SCFD2: variants seen among roughly 807,000 people sequenced by gnomAD.
SCFD2 encodes the protein sec1 family domain-containing protein 2.
Under a neutral mutation model 58.9 loss-of-function variants are expected in SCFD2, and 54 were observed. The ratio of observed to expected loss-of-function variants is 0.92; its 90% CI spans 0.74 to 1.15. The LOEUF (loss-of-function observed/expected upper bound fraction) is 1.15, where lower values mean the gene tolerates loss of function less well. Ranked by LOEUF, SCFD2 falls within the 50% of genes most tolerant of loss-of-function variation. SCFD2 has a pLI of 0.00. For synonymous variants in SCFD2, 321 were observed against 335.9 expected, an observed-to-expected ratio of 0.96 and a Z score of 0.49; for missense variants, 805 against 836.6, an observed-to-expected ratio of 0.96 and a Z score of 0.47.
intron 4 of SCFD2, among the ~76,000 whole-genome samples, chr4:53,168,466 A>G (rs916046952): frequency 1.3e-5 from 2 of 152,228 alleles, no homozygotes; most frequent in Non-Finnish European, 2.9e-5. Context: ...CAGACATATC[A>G]TAGAGCAGAT....
At chr4:53,197,859 C>CA (rs1465962252) in intron 4 of SCFD2, among the ~76,000 whole-genome samples, 1 of 150,912 alleles carries the variant, frequency 6.6e-6, no homozygotes, top group Non-Finnish European at 1.5e-5. Context: ...ATGTTAATTT[C>CA]AAAAATATGG....
At chr4:53,051,209 G>A (rs77780322) in intron 5 of SCFD2, among the ~76,000 whole-genome samples, 3,940 of 152,194 alleles carry the variant, frequency 0.026, 85 homozygotes, top group Non-Finnish European at 0.036. Context: ...AGCAACAAAG[G>A]TTTGAGAACA....
intron 4 of SCFD2, among the ~76,000 whole-genome samples, chr4:53,258,545 T>G (rs995318503): frequency 1.1e-4 from 2 of 17,556 alleles, no homozygotes; most frequent in Non-Finnish European, 2.6e-4. Flanking sequence ...TGTGTATATA[T>G]ATATATATAT....
chr4:53,142,906 T>A (rs1296831204), intron 5 of SCFD2, among the ~76,000 whole-genome samples: 1 of 152,210 alleles, frequency 6.6e-6, no homozygotes, highest in African/African-American at 2.4e-5. Context: ...GACATCTTCT[T>A]TACCCTGTTT....
chr4:52,996,490 C>A (rs879928823), intron 5 of SCFD2, among the ~76,000 whole-genome samples: 11 of 152,222 alleles, frequency 7.2e-5, no homozygotes, highest in Non-Finnish European at 1.3e-4. Context: ...GTCATGGCAT[C>A]ATCACATACC....
Position 53,365,188 on chromosome 4 carries a change from T to C in SCFD2, c.754A>G (p.Asn252Asp). ...TTCCTGTTCTTTGCAGGGGCATAATTGGCCAGATCCGCAGCGATGACCTGA... is the reference window on the plus strand; with the variant it reads ...TTCCTGTTCTTTGCAGGGGCATAATCGGCCAGATCCGCAGCGATGACCTGA... Reference protein sequence around the residue: ...LSQVIAADLANYAPAKNRKKT... With the variant: ...LSQVIAADLADYAPAKNRKKT... The change falls in exon 1 of 9, where the codon AAT becomes GAT. Residue 252 changes from asparagine to aspartate, a missense_variant. Physicochemically the swap from Asn to Asp is conservative, Grantham distance 23. This residue lies in a region of SCFD2 where 633 missense variants were observed against 646.8 expected (regional missense o/e 0.98). Transcript: ENST00000401642. This position sits in a 1 kb window ranked among gnomAD's most constrained non-coding sequence, Gnocchi z 4.3. The C allele has an allele frequency of 6.2e-7, 1 of 1,614,164 alleles. No individual in the cohort carries two copies. The highest frequency in any genetic ancestry group is 8.5e-7 in the Non-Finnish European group (1 of 1,180,040).
intron 2 of SCFD2, among the ~76,000 whole-genome samples, chr4:53,325,179 G>GTA (rs1030210445): frequency 6.7e-6 from 1 of 149,020 alleles, no homozygotes; most frequent in African/African-American, 2.5e-5. Context: ...TACTACAGAT[G>GTA]TGTGTGTGTG....
chr4:53,043,751 G>C (rs1722956818), intron 5 of SCFD2, among the ~76,000 whole-genome samples: 1 of 151,968 alleles, frequency 6.6e-6, no homozygotes, highest in Non-Finnish European at 1.5e-5. Context: ...GAGAATATTT[G>C]GGTACTTCGG....
Position 53,237,463 on chromosome 4 carries a change from CG to C in SCFD2, c.1311+36362del, listed in dbSNP as rs1162441021. Reference sequence around the variant, plus strand: ...TTCCCGGATGGGGGGTCTGGCCGGGCGGGGGGGCTGACCCCCCCACCTCCCT... The same window carrying C: ...TTCCCGGATGGGGGGTCTGGCCGGGCGGGGGGCTGACCCCCCCACCTCCCT... On this transcript the variant is annotated intron_variant, in intron 4 of 8. Coordinates refer to ENST00000401642, the MANE Select transcript of SCFD2 (RefSeq NM_152540.4). Among the ~76,000 whole-genome samples the C allele has an allele frequency of 2.7e-3, 329 of 123,324 alleles. 1 individual carries two copies. The highest frequency in any genetic ancestry group is 9.4e-3 in the African/African-American group (264 of 28,136). The allele number at this position is 123,324 out of a possible 152,430, so 80.9% of individuals were successfully genotyped here.
At chr4:53,320,942 T>C (rs1232296484) in intron 2 of SCFD2, among the ~76,000 whole-genome samples, 1 of 152,238 alleles carries the variant, frequency 6.6e-6, no homozygotes, top group Non-Finnish European at 1.5e-5. Flanking sequence ...TTTGTTAAAA[T>C]AGATTCCTTG....
chr4:53,073,427 C>A (rs999534160), intron 5 of SCFD2, among the ~76,000 whole-genome samples: 8 of 151,968 alleles, frequency 5.3e-5, no homozygotes, highest in African/African-American at 1.9e-4. Context: ...TTTACAAGCC[C>A]AATACAGTTG....
At chr4:53,197,266 A>C (rs1222325874) in intron 4 of SCFD2, among the ~76,000 whole-genome samples, 1 of 152,174 alleles carries the variant, frequency 6.6e-6, no homozygotes, top group Non-Finnish European at 1.5e-5. Context: ...TCATCAAAAC[A>C]TACTTTCAAA....
chr4:53,331,353 T>C (rs373028312), intron 2 of SCFD2, among the ~76,000 whole-genome samples: 1 of 151,604 alleles, frequency 6.6e-6, no homozygotes, highest in Non-Finnish European at 1.5e-5. Context: ...GAAGTAAAGC[T>C]CTCCTCAGCA....
intron 4 of SCFD2, among the ~76,000 whole-genome samples, chr4:53,187,643 G>GA (rs1230835492): frequency 6.6e-6 from 1 of 151,926 alleles, no homozygotes; most frequent in Non-Finnish European, 1.5e-5. Flanking sequence ...TGCCATAAAT[G>GA]AAACAAATAT....
chr4:52,992,203 T>C (rs1290345320), intron 5 of SCFD2, among the ~76,000 whole-genome samples: 2 of 152,186 alleles, frequency 1.3e-5, no homozygotes, highest in Non-Finnish European at 2.9e-5. Context: ...GTTTTCCTAT[T>C]TTTTTGGTGG....
intron 3 of SCFD2, among the ~76,000 whole-genome samples, chr4:53,283,427 C>T (rs1279618413): frequency 2.0e-5 from 3 of 152,198 alleles, no homozygotes; most frequent in African/African-American, 7.2e-5. Flanking sequence ...CATTCTAAGA[C>T]ATGCCTTTCA....
chr4:53,365,493 G>T lies in SCFD2; in HGVS notation c.449C>A (p.Thr150Lys), dbSNP rs764734956. The T allele has an allele frequency of 1.2e-6, 2 of 1,614,176 alleles. No homozygotes were observed. The highest frequency in any genetic ancestry group is 2.2e-5 in the East Asian group (1 of 44,888). Residue 150 changes from threonine to lysine, a missense_variant, in exon 1 of 9, where the codon ACG becomes AAG. Around this residue, in one of 3 missense-constraint regions of SCFD2, gnomAD observed 633 missense variants for 646.8 expected, o/e 0.98. Transcript: ENST00000401642. This position sits in a 1 kb window ranked among gnomAD's most constrained non-coding sequence, Gnocchi z 4.3. ...TAACGGGACATGGAACACCTCGGCCGTGTAGTTCATGTTGCCCATCCATTC... is the reference window on the plus strand; with the variant it reads ...TAACGGGACATGGAACACCTCGGCCTTGTAGTTCATGTTGCCCATCCATTC... ...LCEWMGNMNYTAEVFHVPLLL... is the reference protein window; with the variant it reads ...LCEWMGNMNYKAEVFHVPLLL...
At chr4:53,164,859 C>G (rs1269206619) in intron 4 of SCFD2, among the ~76,000 whole-genome samples, 1 of 149,560 alleles carries the variant, frequency 6.7e-6, no homozygotes, top group South Asian at 2.1e-4. Flanking sequence ...TTAGGAGAAA[C>G]TTTAAGACCA....
intron 8 of SCFD2, among the ~76,000 whole-genome samples, chr4:52,875,513 A>G (rs187596077): frequency 2.2e-3 from 333 of 152,012 alleles, no homozygotes; most frequent in Middle Eastern, 6.8e-3. Flanking sequence ...GCTCCTTTGG[A>G]GTGGTGCAAG....
Sources: allele counts gnomAD v4.1 joint callset (sites outside exome capture counted in the v4.1 genomes callset), GRCh38; gene constraint gnomAD v4.1.1; regional missense constraint gnomAD v4.1.1; non-coding constraint Gnocchi (gnomAD v3.1); transcripts MANE v1.5; gene names NCBI Gene and HGNC (gene_info 2026-07-23, HGNC 2026-07-21).